ABI3BP: variants seen among roughly 807,000 people sequenced by gnomAD.
ABI3BP encodes the protein target of Nesh-SH3.
ABI3BP carries 216 observed loss-of-function variants against 268.6 expected under a neutral mutation model. That is an observed-to-expected ratio of 0.80 (90% CI 0.72 to 0.90). The LOEUF is 0.90. Among genes scored for constraint, ABI3BP ranks in the 40% least tolerant of loss-of-function variants. The pLI is 0.00. For missense variants in ABI3BP, 2,090 were observed against 2,182.4 expected (o/e 0.96, Z 0.84); for synonymous variants, 730 against 730.0 (o/e 1.00, Z 0.00).
intron 1 of ABI3BP, among the ~76,000 whole-genome samples, chr3:100,931,609 A>G (rs2063661104): frequency 6.6e-6 from 1 of 151,874 alleles, no homozygotes; most frequent in African/African-American, 2.4e-5. Context: ...CACAATAGCC[A>G]CACACACAAA....
At position 100,972,965 on chromosome 3, in the gene ABI3BP, C is replaced by T. The variant is rs112674431; in HGVS notation, c.79+20341G>A. Among the ~76,000 whole-genome samples, 795 of 152,312 alleles carry T rather than the reference C, an allele frequency of 5.2e-3. 7 individuals carry two copies. Among genetic ancestry groups the T allele is most frequent in the African/African-American group, 0.016 (673 of 41,580 alleles). Reference sequence around the variant, plus strand: ...CTGGCTGAGGTTGAACAAGGTGATGCTCTGCCTTCTTGTTTCAGCTCTCAG... The same window carrying T: ...CTGGCTGAGGTTGAACAAGGTGATGTTCTGCCTTCTTGTTTCAGCTCTCAG... On this transcript the variant is annotated intron_variant, in intron 1 of 67. Transcript: ENST00000471714.
chr3:100,884,032 A>G (rs890014480), intron 6 of ABI3BP, among the ~76,000 whole-genome samples: 2 of 152,112 alleles, frequency 1.3e-5, no homozygotes, highest in Non-Finnish European at 2.9e-5. Context: ...GAAAACAGCA[A>G]GATAGAAAAT....
At chr3:100,897,023 A>C (rs761126735) in intron 4 of ABI3BP, among the ~76,000 whole-genome samples, 1 of 152,212 alleles carries the variant, frequency 6.6e-6, no homozygotes, top group Non-Finnish European at 1.5e-5. Context: ...AAATTCCTTC[A>C]TTTTAGTTTG....
chr3:100,839,627 A>G lies in ABI3BP; in HGVS notation c.1898-11T>C. 6.5e-7 allele frequency: 1 copy of G among 1,535,782 alleles called. No individual in the cohort carries two copies. The highest frequency in any genetic ancestry group is 8.7e-7 in the Non-Finnish European group (1 of 1,146,618). ...TGGCAGGTTCCAGAGCTACAGAAGC[A>G]AATACCAAAAACATGAAATATTTCA... is the stretch of plus-strand genomic sequence containing the variant. On this transcript the variant is annotated splice_polypyrimidine_tract_variant and intron_variant, in intron 23 of 67. Transcript: ENST00000471714.
At position 100,885,316 on chromosome 3, in the gene ABI3BP, A is replaced by C. The variant is rs556510572; in HGVS notation, c.696+220T>G. On this transcript the variant is annotated intron_variant, in intron 6 of 67. Transcript: ENST00000471714. ...TAAAATATTAGAATAAGCTACATTG[A>C]ATCTTAGAATTTTAGAACTTCAAAC... 4.0e-4 allele frequency among the ~76,000 whole-genome samples: 61 copies of C among 152,220 alleles called. No homozygotes were observed. The South Asian group carries it at 0.011, about 26-fold the overall frequency.
At chr3:100,835,802 T>G in intron 27 of ABI3BP, 142 bp from the exon 28 acceptor site, 1 of 680,716 alleles carries the variant, frequency 1.5e-6, no homozygotes. Context: ...TTCCCCTAAG[T>G]AGCCAAACTA....
chr3:100,835,775 G>A, intron 27 of ABI3BP, 115 bp from the exon 28 acceptor site: 3 of 851,756 alleles, frequency 3.5e-6, no homozygotes, highest in Non-Finnish European at 5.3e-6. Flanking sequence ...CTGAACTCTG[G>A]GAAAATAGTA....
intron 2 of ABI3BP, among the ~76,000 whole-genome samples, chr3:100,924,415 AT>A (rs573181103): frequency 6.6e-6 from 1 of 152,162 alleles, no homozygotes; most frequent in Admixed American, 6.5e-5. Flanking sequence ...TATTAAAAAT[AT>A]TTTTTATCTG....
At chr3:100,896,257 T>C (rs1263688913) in intron 4 of ABI3BP, among the ~76,000 whole-genome samples, 1 of 152,184 alleles carries the variant, frequency 6.6e-6, no homozygotes, top group East Asian at 1.9e-4. Flanking sequence ...CCATGCATGG[T>C]CTGAATAGCT....
chr3:100,795,728 A>G, intron 53 of ABI3BP, 76 bp downstream of exon 53: 1 of 1,074,200 alleles, frequency 9.3e-7, no homozygotes, highest in Non-Finnish European at 1.2e-6. Context: ...ATGTTTCAAC[A>G]GGATCATTTG....
intron 4 of ABI3BP, among the ~76,000 whole-genome samples, chr3:100,887,108 T>C (rs1561288302): frequency 6.6e-6 from 1 of 152,002 alleles, no homozygotes; most frequent in Admixed American, 6.6e-5. Context: ...TTCAGAACAT[T>C]CACTTAACTT....
intron 3 of ABI3BP, among the ~76,000 whole-genome samples, chr3:100,901,146 A>G (rs1298791432): frequency 6.6e-6 from 1 of 152,202 alleles, no homozygotes; most frequent in Non-Finnish European, 1.5e-5. Context: ...AACAAGTTGT[A>G]AGGAGCGATT....
chr3:100,812,751 T>A (rs527553683), intron 45 of ABI3BP, among the ~76,000 whole-genome samples: 102 of 152,280 alleles, frequency 6.7e-4, no homozygotes, highest in Non-Finnish European at 1.2e-3. Context: ...ATGTCATTTA[T>A]CTAATTAAAA....
At chr3:100,774,485 A>G in intron 61 of ABI3BP, 120 bp downstream of exon 61, 1 of 739,954 alleles carries the variant, frequency 1.4e-6, no homozygotes, top group Non-Finnish European at 2.1e-6. Flanking sequence ...CATGAAAAAT[A>G]AAACCTTATT....
chr3:100,899,334 A>T (rs1298713865), intron 3 of ABI3BP, among the ~76,000 whole-genome samples: 4 of 152,238 alleles, frequency 2.6e-5, no homozygotes, highest in African/African-American at 9.6e-5. Flanking sequence ...AGTGTGAAAT[A>T]ACATCTAAGA....
chr3:100,990,077 A>G (rs1459536003), intron 1 of ABI3BP, among the ~76,000 whole-genome samples: 1 of 152,204 alleles, frequency 6.6e-6, no homozygotes, highest in Non-Finnish European at 1.5e-5. Flanking sequence ...ATGCGGTAGA[A>G]GCCTCCCTTG....
intron 63 of ABI3BP, among the ~76,000 whole-genome samples, chr3:100,761,044 G>A (rs2095910889): frequency 6.6e-6 from 1 of 152,082 alleles, no homozygotes; most frequent in Admixed American, 6.6e-5. Context: ...CCACCCTTCA[G>A]TGGACCCCAG....
chr3:100,778,299 T>C lies in ABI3BP; in HGVS notation c.4318A>G (p.Lys1440Glu). 1.2e-6 allele frequency: 2 copies of C among 1,613,812 alleles called. No homozygotes were observed. ...ACTAACGTACCTGCACTTCCTGGCT[T>C]TCCAGTGACATTATTTGGTGGTAAA... ...KPLPPNNVTG[K>E]PGSAGIISSG... Residue 1440 changes from lysine to glutamate, a missense_variant, in exon 59 of 68, where the codon AAG (lysine) becomes GAG (glutamate). Transcript: ENST00000471714.
intron 9 of ABI3BP, among the ~76,000 whole-genome samples, chr3:100,868,812 G>C (rs942772321): frequency 7.9e-5 from 12 of 151,896 alleles, no homozygotes; most frequent in African/African-American, 2.9e-4. Flanking sequence ...TAAAAATCTA[G>C]CATAATTTTA....
Sources: allele counts gnomAD v4.1 joint callset (sites outside exome capture counted in the v4.1 genomes callset), GRCh38; gene constraint gnomAD v4.1.1; transcripts MANE v1.5; gene names NCBI Gene and HGNC (gene_info 2026-07-23, HGNC 2026-07-21).